The following AK7 variants were observed in gnomAD, a reference collection of about 807,000 sequenced individuals.
AK7 encodes adenylate kinase 7, also known as ATP-AMP transphosphorylase 7.
Under a neutral mutation model 96.6 loss-of-function variants are expected in AK7, and 78 were observed. That is an observed-to-expected ratio of 0.81 (90% CI 0.67 to 0.97). The LOEUF (loss-of-function observed/expected upper bound fraction) is 0.97, where lower values mean the gene tolerates loss of function less well. Ranked by LOEUF, AK7 falls within the 50% of genes least tolerant of loss-of-function variation. The pLI, the probability that AK7 is intolerant of heterozygous loss-of-function variation, is 0.00. For synonymous variants in AK7, 302 were observed against 317.2 expected (o/e 0.95, Z 0.51); for missense variants, 855 against 887.9 (o/e 0.96, Z 0.47).
At chr14:96,447,515 G>A (rs1250753034) in intron 8 of AK7, among the ~76,000 whole-genome samples, 1 of 151,936 alleles carries the variant, frequency 6.6e-6, no homozygotes, top group Non-Finnish European at 1.5e-5. Context: ...TCAAAATGAG[G>A]TCTCACCATG....
intron 2 of AK7, 31 bp downstream of exon 2, chr14:96,398,294 A>G: frequency 6.2e-7 from 1 of 1,609,118 alleles, no homozygotes. Flanking sequence ...CCAGGAGTAG[A>G]CAGAGGGAAG....
intron 10 of AK7, 148 bp from the exon 11 acceptor site, chr14:96,456,199 T>G (rs1893887889): frequency 1.2e-6 from 1 of 805,804 alleles, no homozygotes. Flanking sequence ...ATCATGCCAC[T>G]GCACTACAGC....
At position 96,488,456 on chromosome 14, in the gene AK7, A is replaced by T; in HGVS notation, c.*113A>T. The T allele has an allele frequency of 6.8e-6, 6 of 880,824 alleles. No individual in the cohort carries two copies. The highest frequency in any genetic ancestry group is 1.0e-5 in the Non-Finnish European group (6 of 574,920). 54.6% of individuals were successfully genotyped at this position (880,824 alleles called of 1,614,324 possible). Reference sequence around the variant, plus strand: ...AGTTCTTAGAAAATTCTTTTTTTGTAGACAAATATTCTATAAACTAGAATC... The same window carrying T: ...AGTTCTTAGAAAATTCTTTTTTTGTTGACAAATATTCTATAAACTAGAATC... On this transcript the variant is annotated 3_prime_UTR_variant, in exon 18 of 18. Transcript: ENST00000267584.
At chr14:96,451,597 C>T (rs1249220431) in intron 10 of AK7, 27 bp downstream of exon 10, 1 of 1,410,320 alleles carries the variant, frequency 7.1e-7, no homozygotes, top group Non-Finnish European at 9.4e-7. Context: ...CCCACTGAAA[C>T]TTCTGATTCA....
intron 11 of AK7, 69 bp from the exon 12 acceptor site, chr14:96,458,014 G>A: frequency 6.3e-7 from 1 of 1,576,872 alleles, no homozygotes; most frequent in Non-Finnish European, 8.6e-7. Flanking sequence ...AGGATCACCT[G>A]CCAGCTGATT....
chr14:96,446,438 G>T, intron 7 of AK7, 79 bp from the exon 8 acceptor site: 1 of 1,203,792 alleles, frequency 8.3e-7, no homozygotes, highest in Non-Finnish European at 1.2e-6. Context: ...AGCCATGGGG[G>T]TGGTGGTCAG....
At chr14:96,424,382 C>A (rs1012995124) in intron 5 of AK7, among the ~76,000 whole-genome samples, 2 of 152,238 alleles carry the variant, frequency 1.3e-5, no homozygotes, top group African/African-American at 2.4e-5. Context: ...CTCGTAGTAT[C>A]TCATGAGTTC....
intron 8 of AK7, among the ~76,000 whole-genome samples, chr14:96,448,743 G>A (rs1016890801): frequency 6.6e-6 from 1 of 151,442 alleles, no homozygotes; most frequent in African/African-American, 2.4e-5. Flanking sequence ...ATCCCTTGAG[G>A]TCAGGGGTTT....
chr14:96,407,286 T>C (rs1890763590), intron 3 of AK7, among the ~76,000 whole-genome samples: 1 of 152,242 alleles, frequency 6.6e-6, no homozygotes. Context: ...AAGAGCAAAA[T>C]TAAATTGAAG....
At chr14:96,454,612 T>C (rs1023325691) in intron 10 of AK7, among the ~76,000 whole-genome samples, 1 of 151,972 alleles carries the variant, frequency 6.6e-6, no homozygotes, top group African/African-American at 2.4e-5. Flanking sequence ...GGCCACCAAG[T>C]AGCTGGGACC....
intron 4 of AK7, among the ~76,000 whole-genome samples, chr14:96,416,536 A>T (rs1891359419): frequency 6.6e-6 from 1 of 152,230 alleles, no homozygotes; most frequent in Non-Finnish European, 1.5e-5. Context: ...CTTAGTAATT[A>T]TAACAAGATA....
rs10136640 is a variant in AK7, at chr14:96,449,785, C to T, written c.871-17C>T. ...CTTCCAGGTAAACCAACTAATATTT[C>T]GATTTTCCTCTAACAGTGTATCAGT... On this transcript the variant is annotated splice_polypyrimidine_tract_variant and intron_variant, in intron 8 of 17. Coordinates refer to ENST00000267584, the MANE Select transcript of AK7 (RefSeq NM_152327.5). The T allele has an allele frequency of 1.4e-3, 2,197 of 1,588,516 alleles. 23 individuals carry two copies. In the African/African-American group the frequency reaches 0.023, roughly 17 times the overall value.
chr14:96,413,050 T>C (rs1172075801), intron 4 of AK7, among the ~76,000 whole-genome samples: 3 of 152,174 alleles, frequency 2.0e-5, no homozygotes, highest in Non-Finnish European at 4.4e-5. Context: ...ATTCTGTAAG[T>C]CTGTTTTCCA....
chr14:96,485,118 A>G (rs2140183191), intron 16 of AK7, among the ~76,000 whole-genome samples: 1 of 152,150 alleles, frequency 6.6e-6, no homozygotes, highest in Non-Finnish European at 1.5e-5. Context: ...ACAGGTGGCT[A>G]TTTCCCTACA....
intron 7 of AK7, among the ~76,000 whole-genome samples, chr14:96,443,373 T>C (rs1029770174): frequency 2.0e-5 from 3 of 152,216 alleles, no homozygotes; most frequent in Non-Finnish European, 4.4e-5. Flanking sequence ...ACTGTGTTTG[T>C]GGTTCATCAG....
At position 96,442,737 on chromosome 14, in the gene AK7, G is replaced by C; in HGVS notation, c.698G>C (p.Trp233Ser). ...TGCTTTTCTTCCTTTCAGATGGCTT[G>C]GTTGGGCGAGATTCCTGCATTACCA... is the stretch of plus-strand genomic sequence containing the variant. ...GMLHTFFKMA[W>S]LGEIPALPVF... The change falls in exon 7 of 18, where the codon TGG becomes TCG. Residue 233 changes from tryptophan to serine, a missense_variant. Physicochemically the swap from Trp to Ser is radical, Grantham distance 177 (BLOSUM62 -3). Transcript: ENST00000267584. 6.2e-7 allele frequency: 1 copy of C among 1,614,038 alleles called. No individual in the cohort carries two copies. The highest frequency in any genetic ancestry group is 8.5e-7 in the Non-Finnish European group (1 of 1,179,878).
chr14:96,405,722 T>C (rs959837445), intron 3 of AK7, among the ~76,000 whole-genome samples: 27 of 152,212 alleles, frequency 1.8e-4, no homozygotes, highest in African/African-American at 6.5e-4. Flanking sequence ...TATTTCCAAC[T>C]CTAAATATTT....
intron 5 of AK7, chr14:96,423,772 G>A: frequency 1.4e-6 from 1 of 735,198 alleles, no homozygotes; most frequent in South Asian, 1.3e-5. Context: ...CGGCCACCGG[G>A]ACCCCGAGCG....
rs1375946961 is a variant in AK7 at position 96,418,322 on chromosome 14, T to A, written c.499-2500T>A. ...CTGGGCAACAGAGTGAGACCTTGTC[T>A]AAAAAAAAAAAAAAAGGCTTCAAAT... On this transcript the variant is annotated intron_variant, in intron 4 of 17. Coordinates refer to ENST00000267584, the MANE Select transcript of AK7 (RefSeq NM_152327.5). Among the ~76,000 whole-genome samples, 8 of 41,824 alleles carry A rather than the reference T, an allele frequency of 1.9e-4. 1 individual carries two copies. The highest frequency in any genetic ancestry group is 3.4e-4 in the African/African-American group (4 of 11,940). 27.4% of individuals were successfully genotyped at this position (41,824 alleles called of 152,430 possible). A position where few individuals can be genotyped will look rare whatever the true frequency, so the allele number is the denominator to read the frequency against.
Sources: allele counts gnomAD v4.1 joint callset (sites outside exome capture counted in the v4.1 genomes callset), GRCh38; gene constraint gnomAD v4.1.1; transcripts MANE v1.5; gene names NCBI Gene and HGNC (gene_info 2026-07-23, HGNC 2026-07-21).